Variants in TEX9 observed in about 807,000 individuals in gnomAD.
TEX9 encodes the protein testis-expressed protein 9.
In TEX9, 74 loss-of-function variants were observed where a neutral mutation model predicts 59.6. The observed-to-expected ratio is 1.24, with a 90% CI of 1.03 to 1.51. The LOEUF (loss-of-function observed/expected upper bound fraction) is 1.51. TEX9 is among the 40% of genes most tolerant of loss of function. TEX9 has a pLI of 0.00. For missense variants in TEX9, 522 were observed against 447.8 expected (o/e 1.17, Z -1.49); for synonymous variants, 186 against 152.2 (o/e 1.22, Z -1.64).
chr15:56,288,790 T>G (rs1445942511), intron 1 of TEX9, among the ~76,000 whole-genome samples: 1 of 151,500 alleles, frequency 6.6e-6, no homozygotes, highest in Non-Finnish European at 1.5e-5. Flanking sequence ...TTCCCAGATT[T>G]GGAAAGCTTT....
At chr15:56,257,658 T>G (rs1412120216) in intron 1 of TEX9, among the ~76,000 whole-genome samples, 1 of 152,108 alleles carries the variant, frequency 6.6e-6, no homozygotes, top group African/African-American at 2.4e-5. Context: ...TCTTGTAAGT[T>G]TGTTTAAGTT....
chr15:56,302,088 TGTTA>T (rs1434046912), intron 1 of TEX9, among the ~76,000 whole-genome samples: 5 of 152,228 alleles, frequency 3.3e-5, no homozygotes, highest in East Asian at 1.9e-4. Flanking sequence ...TTTGCTTAAT[TGTTA>T]GTTACTTTGT....
At chr15:56,250,296 GAA>G (rs2043984360) in intron 1 of TEX9, among the ~76,000 whole-genome samples, 1 of 152,218 alleles carries the variant, frequency 6.6e-6, no homozygotes, top group Non-Finnish European at 1.5e-5. Flanking sequence ...GAAGTTTAGA[GAA>G]AGAGCAAAAG....
chr15:56,354,524 C>A (rs2046649674), intron 1 of TEX9, among the ~76,000 whole-genome samples: 1 of 151,896 alleles, frequency 6.6e-6, no homozygotes, highest in Non-Finnish European at 1.5e-5. Context: ...AGTGACCAAC[C>A]AAAAAGCATT....
chr15:56,325,717 C>T (rs1044177996), intron 1 of TEX9, among the ~76,000 whole-genome samples: 4 of 152,124 alleles, frequency 2.6e-5, no homozygotes, highest in East Asian at 1.9e-4. Flanking sequence ...GATGGACTCT[C>T]GTTCACATAT....
At chr15:56,246,344 C>G (rs1307945624) in intron 1 of TEX9, among the ~76,000 whole-genome samples, 1 of 152,116 alleles carries the variant, frequency 6.6e-6, no homozygotes, top group African/African-American at 2.4e-5. Context: ...CTGAGGAGAC[C>G]TTATTGCCAG....
intron 1 of TEX9, among the ~76,000 whole-genome samples, chr15:56,294,246 C>T (rs1369390126): frequency 1.3e-5 from 2 of 152,126 alleles, no homozygotes; most frequent in Non-Finnish European, 2.9e-5. Flanking sequence ...CGTTATCTGC[C>T]CTGCCTTGAC....
chr15:56,426,870 A>ACCAAGATTACAAACTTG (rs1184324675), intron 10 of TEX9, among the ~76,000 whole-genome samples: 1 of 151,544 alleles, frequency 6.6e-6, no homozygotes, highest in African/African-American at 2.4e-5. Flanking sequence ...GTCCATTTTT[A>ACCAAGATTACAAACTTG]CCAAGATTAC....
rs530603309 is a variant in TEX9, at chr15:56,261,852, A to G, written c.-107+17574A>G. Among the ~76,000 whole-genome samples the G allele has an allele frequency of 7.9e-5, 12 of 152,234 alleles. No homozygotes were observed. The South Asian group carries it at 2.5e-3, about 32-fold the overall frequency. On this transcript the variant is annotated intron_variant, in intron 1 of 5. Coordinates refer to the TEX9 transcript ENST00000560827. ...CCCTTGGAGCTGAGATAGCCGACCC[A>G]AGGAATATGCCACCCAGGCCTAAGA...
At chr15:56,272,608 C>T (rs1235078866) in intron 1 of TEX9, among the ~76,000 whole-genome samples, 2 of 152,084 alleles carry the variant, frequency 1.3e-5, no homozygotes, top group Admixed American at 6.6e-5. Context: ...ATGTTTTTCC[C>T]TTCTCTTGGG....
chr15:56,413,209 A>ATAATTAAATAATTAAATAATTTAATT, intron 10 of TEX9, among the ~76,000 whole-genome samples: 1 of 132,858 alleles, frequency 7.5e-6, no homozygotes, highest in Non-Finnish European at 1.7e-5. Context: ...TTAATATTTA[A>ATAATTAAATAATTAAATAATTTAATT]TAATTAAATA....
intron 1 of TEX9, among the ~76,000 whole-genome samples, chr15:56,300,648 G>T (rs1338039304): frequency 6.7e-6 from 1 of 149,750 alleles, no homozygotes; most frequent in East Asian, 2.1e-4. Flanking sequence ...CCACAGGGGT[G>T]CTTGTGTCAT....
chr15:56,357,310 CT>C (rs1472522281), intron 1 of TEX9, among the ~76,000 whole-genome samples: 1 of 152,102 alleles, frequency 6.6e-6, no homozygotes, highest in Non-Finnish European at 1.5e-5. Flanking sequence ...ATTAAAACAC[CT>C]ACTTTAATTG....
chr15:56,383,096 A>G lies in TEX9; in HGVS notation c.184-856A>G, dbSNP rs376307541. 6.6e-5 allele frequency among the ~76,000 whole-genome samples: 10 copies of G among 152,314 alleles called. No individual in the cohort carries two copies. The East Asian group carries it at 7.7e-4, about 12-fold the overall frequency. On this transcript the variant is annotated intron_variant, in intron 3 of 12. Transcript: ENST00000352903. ...CAGGATGGGTGATTTTCCTCTGGCTATAGCTGGTCCAGATGCTTCCTCCAT... is the reference window on the plus strand; with the variant it reads ...CAGGATGGGTGATTTTCCTCTGGCTGTAGCTGGTCCAGATGCTTCCTCCAT...
At chr15:56,453,397 G>A in the TEX9 span, among the ~76,000 whole-genome samples, 1 of 152,068 alleles carries the variant, frequency 6.6e-6, no homozygotes, top group Admixed American at 6.5e-5. Context: ...CTCAGAAAAT[G>A]TTATTTTGTG....
intron 1 of TEX9, among the ~76,000 whole-genome samples, chr15:56,314,868 C>T (rs2045715558): frequency 6.6e-6 from 1 of 151,840 alleles, no homozygotes. Flanking sequence ...GGATAGTTAG[C>T]TCTTCTTGTT....
intron 1 of TEX9, among the ~76,000 whole-genome samples, chr15:56,297,181 C>T (rs1184994916): frequency 1.3e-5 from 2 of 152,092 alleles, no homozygotes; most frequent in African/African-American, 4.8e-5. Flanking sequence ...TGGAATGTAC[C>T]TACCAAGTGC....
intron 1 of TEX9, among the ~76,000 whole-genome samples, chr15:56,257,399 T>C (rs1248257583): frequency 6.6e-6 from 1 of 152,136 alleles, no homozygotes; most frequent in East Asian, 1.9e-4. Flanking sequence ...AACTCATTTA[T>C]ACTCCCACCA....
At chr15:56,315,699 C>A (rs1278068924) in intron 1 of TEX9, among the ~76,000 whole-genome samples, 143 of 143,244 alleles carry the variant, frequency 1.0e-3, no homozygotes, top group African/African-American at 3.5e-3. Flanking sequence ...CGTTGGCCTG[C>A]CTTGCTAGAT....
Sources: gnomAD v4.1 joint callset for allele counts (sites outside exome capture counted in the v4.1 genomes callset) on GRCh38, gnomAD v4.1.1 for gene constraint, MANE v1.5 for transcripts, NCBI Gene and HGNC (gene_info 2026-07-23, HGNC 2026-07-21) for gene names.